Variants in NPAS3 observed in about 807,000 individuals in gnomAD.
The protein encoded by NPAS3 is neuronal PAS domain-containing protein 3.
A neutral mutation model predicts 73.1 loss-of-function variants in NPAS3; 14 were observed. That is an observed-to-expected ratio of 0.19 (90% CI 0.13 to 0.30). The LOEUF is 0.30. Among genes scored for constraint, NPAS3 ranks in the 10% least tolerant of loss-of-function variants. NPAS3 has a pLI of 1.00. For missense variants in NPAS3, 1,096 were observed against 1,250.0 expected (o/e 0.88, Z 1.86); for synonymous variants, 620 against 541.5 (o/e 1.14, Z -2.01).
chr14:33,407,869 C>T (rs924165592), intron 4 of NPAS3, among the ~76,000 whole-genome samples: 11 of 152,064 alleles, frequency 7.2e-5, no homozygotes. Context: ...AGGATACATT[C>T]AAGAAATGCT....
At chr14:33,209,003 A>G (rs767794201) in intron 2 of NPAS3, among the ~76,000 whole-genome samples, 2 of 152,198 alleles carry the variant, frequency 1.3e-5, no homozygotes, top group Non-Finnish European at 2.9e-5. Flanking sequence ...GCTAACATAA[A>G]TTAATGATGA....
At chr14:33,765,568 A>G (rs1228630970) in intron 7 of NPAS3, among the ~76,000 whole-genome samples, 1 of 152,184 alleles carries the variant, frequency 6.6e-6, no homozygotes, top group Non-Finnish European at 1.5e-5. Flanking sequence ...CCCTGATCCC[A>G]CATCAGCCAA....
At chr14:33,126,675 A>G (rs1221027341) in intron 2 of NPAS3, among the ~76,000 whole-genome samples, 1 of 152,126 alleles carries the variant, frequency 6.6e-6, no homozygotes, top group African/African-American at 2.4e-5. Context: ...TTCTAGACAG[A>G]GGGAGAACAA....
chr14:33,304,796 C>T (rs887818113), intron 3 of NPAS3, among the ~76,000 whole-genome samples: 5 of 151,946 alleles, frequency 3.3e-5, no homozygotes, highest in African/African-American at 1.2e-4. Flanking sequence ...AAACACCTTC[C>T]TATTTTTGGA....
chr14:33,760,112 C>T (rs139417481), intron 7 of NPAS3, among the ~76,000 whole-genome samples: 3 of 152,268 alleles, frequency 2.0e-5, no homozygotes, highest in African/African-American at 4.8e-5. Flanking sequence ...GGCACCACCC[C>T]CTGGCCAAAA....
rs538774373 is a variant in NPAS3 at position 33,700,913 on chromosome 14, A to G, written c.733+24528A>G. Among the ~76,000 whole-genome samples, 10 of 152,350 alleles carry G rather than the reference A, an allele frequency of 6.6e-5. 1 individual carries two copies. The highest frequency in any genetic ancestry group is 2.2e-4 in the African/African-American group (9 of 41,582). Reference sequence around the variant, plus strand: ...GTTTCTTAATGTTGTTTAATTGTCAAGTACAGATAAAGCACCATGTAGGTT... The same window carrying G: ...GTTTCTTAATGTTGTTTAATTGTCAGGTACAGATAAAGCACCATGTAGGTT... On this transcript the variant is annotated intron_variant, in intron 6 of 11. Transcript: ENST00000356141.
chr14:33,663,742 G>A (rs2059375749), intron 5 of NPAS3, among the ~76,000 whole-genome samples: 2 of 152,086 alleles, frequency 1.3e-5, no homozygotes, highest in African/African-American at 4.8e-5. Context: ...GGTCTATTCA[G>A]GGATTCTACT....
intron 4 of NPAS3, among the ~76,000 whole-genome samples, chr14:33,496,912 C>T (rs2052226114): frequency 6.6e-6 from 1 of 152,008 alleles, no homozygotes. Flanking sequence ...GTCAAATTGT[C>T]TGTTTACAGA....
At chr14:33,249,149 G>T (rs888355062) in intron 3 of NPAS3, among the ~76,000 whole-genome samples, 15 of 152,090 alleles carry the variant, frequency 9.9e-5, no homozygotes, top group Admixed American at 7.2e-4. Context: ...AATTTTCGAA[G>T]ATTAGAACAG....
At chr14:33,433,063 C>G (rs1183965370) in intron 4 of NPAS3, among the ~76,000 whole-genome samples, 1 of 152,092 alleles carries the variant, frequency 6.6e-6, no homozygotes, top group Non-Finnish European at 1.5e-5. Flanking sequence ...TTTATTTGTT[C>G]AATGTCATCA....
chr14:33,161,767 G>C (rs2044897285), intron 2 of NPAS3, among the ~76,000 whole-genome samples: 1 of 152,220 alleles, frequency 6.6e-6, no homozygotes, highest in East Asian at 1.9e-4. Flanking sequence ...TAGTCAATGA[G>C]AGTATAGCCA....
intron 2 of NPAS3, among the ~76,000 whole-genome samples, chr14:33,095,139 T>C (rs544236649): frequency 6.6e-6 from 1 of 152,296 alleles, no homozygotes; most frequent in South Asian, 2.1e-4. Flanking sequence ...AGTCTGACTT[T>C]ACAGTCCTCG....
intron 5 of NPAS3, among the ~76,000 whole-genome samples, chr14:33,600,416 C>G (rs938516883): frequency 3.3e-5 from 5 of 152,070 alleles, no homozygotes; most frequent in Non-Finnish European, 7.4e-5. Flanking sequence ...TTTTTCTGCC[C>G]CTTAACCAGT....
chr14:33,650,692 T>C (rs2058966186), intron 5 of NPAS3, among the ~76,000 whole-genome samples: 1 of 152,204 alleles, frequency 6.6e-6, no homozygotes, highest in Non-Finnish European at 1.5e-5. Context: ...CTGCTGCCAC[T>C]GTAGATGACA....
intron 5 of NPAS3, among the ~76,000 whole-genome samples, chr14:33,618,208 G>C (rs1490615651): frequency 6.6e-6 from 1 of 151,912 alleles, no homozygotes; most frequent in Non-Finnish European, 1.5e-5. Context: ...CATGGACTGG[G>C]GTGGAGGGAT....
intron 2 of NPAS3, among the ~76,000 whole-genome samples, chr14:33,117,278 G>T (rs1037789499): frequency 6.6e-6 from 1 of 151,730 alleles, no homozygotes; most frequent in Non-Finnish European, 1.5e-5. Flanking sequence ...ACGGCTAGAG[G>T]GGATTTGACT....
intron 6 of NPAS3, among the ~76,000 whole-genome samples, chr14:33,684,960 G>GA (rs1318933127): frequency 6.6e-6 from 1 of 152,202 alleles, no homozygotes; most frequent in African/African-American, 2.4e-5. Context: ...GGACCCATGG[G>GA]AAACACTGCC....
chr14:33,550,476 A>C (rs1318399410), intron 4 of NPAS3, among the ~76,000 whole-genome samples: 2 of 152,204 alleles, frequency 1.3e-5, no homozygotes, highest in Non-Finnish European at 2.9e-5. Flanking sequence ...AAACCATAAA[A>C]ATCTATAATC....
intron 4 of NPAS3, among the ~76,000 whole-genome samples, chr14:33,522,655 GTTAA>G (rs1302398837): frequency 1.3e-5 from 2 of 152,032 alleles, no homozygotes; most frequent in Non-Finnish European, 2.9e-5. Context: ...TTAAGACTGT[GTTAA>G]TTGTCTTTTA....
Sources: allele counts gnomAD v4.1 joint callset (sites outside exome capture counted in the v4.1 genomes callset), GRCh38; gene constraint gnomAD v4.1.1; transcripts MANE v1.5; gene names NCBI Gene and HGNC (gene_info 2026-07-23, HGNC 2026-07-21).